Variants in ANKRD13C observed in about 807,000 individuals in gnomAD.
The protein encoded by ANKRD13C is ankyrin repeat domain 13C, also known as ankyrin repeat domain-containing protein 13C.
Under a neutral mutation model 65.5 loss-of-function variants are expected in ANKRD13C, and 16 were observed. The observed-to-expected ratio is 0.24, with a 90% CI of 0.17 to 0.37. The LOEUF is 0.37. ANKRD13C is among the 10% of genes least tolerant of loss of function. ANKRD13C has a pLI of 1.00. For synonymous variants in ANKRD13C, 235 were observed against 238.7 expected (o/e 0.98, Z 0.14); for missense variants, 503 against 655.9 (o/e 0.77, Z 2.55).
intron 9 of ANKRD13C, among the ~76,000 whole-genome samples, chr1:70,279,121 T>TC (rs1270506277): frequency 6.6e-6 from 1 of 151,678 alleles, no homozygotes; most frequent in African/African-American, 2.4e-5. Context: ...GTGGGAGGAT[T>TC]CCTTGAGCCC....
At chr1:70,332,226 C>A (rs1681848238) in intron 2 of ANKRD13C, among the ~76,000 whole-genome samples, 1 of 152,182 alleles carries the variant, frequency 6.6e-6, no homozygotes. Context: ...GAACTCTGAC[C>A]ACTATGTCCA....
At chr1:70,344,290 C>T (rs1553252381) in intron 1 of ANKRD13C, among the ~76,000 whole-genome samples, 1 of 88,400 alleles carries the variant, frequency 1.1e-5, no homozygotes, top group Admixed American at 1.3e-4. Context: ...AGCAAGATTC[C>T]ATCTCAAAAA....
At chr1:70,330,574 CAAAAAAA>C (rs71071394) in intron 2 of ANKRD13C, among the ~76,000 whole-genome samples, 7 of 68,392 alleles carry the variant, frequency 1.0e-4, no homozygotes, top group Admixed American at 1.8e-4. Context: ...ACAAACAAAC[CAAAAAAA>C]AAAAAAAAAA....
chr1:70,276,159 A>G (rs1679126477), intron 10 of ANKRD13C, among the ~76,000 whole-genome samples: 1 of 152,060 alleles, frequency 6.6e-6, no homozygotes, highest in Non-Finnish European at 1.5e-5. Flanking sequence ...TTACTTATCT[A>G]TTTATTAAAA....
chr1:70,288,748 A>C (rs1679731571), intron 9 of ANKRD13C, among the ~76,000 whole-genome samples: 1 of 152,194 alleles, frequency 6.6e-6, no homozygotes, highest in Non-Finnish European at 1.5e-5. Context: ...AGAGAGGCTA[A>C]GGGGGCAGCA....
chr1:70,353,785 T>G (rs181963238), intron 1 of ANKRD13C, among the ~76,000 whole-genome samples, 194 bp downstream of exon 1: 1 of 152,112 alleles, frequency 6.6e-6, no homozygotes, highest in Non-Finnish European at 1.5e-5. Flanking sequence ...GGAGGATACA[T>G]TCCTTTGCAC....
intron 7 of ANKRD13C, among the ~76,000 whole-genome samples, chr1:70,298,499 A>G (rs1680190569): frequency 6.6e-6 from 1 of 152,156 alleles, no homozygotes; most frequent in Non-Finnish European, 1.5e-5. Flanking sequence ...GTATGTATAC[A>G]TACATACCTT....
chr1:70,294,162 T>TA (rs1273128353), intron 8 of ANKRD13C, among the ~76,000 whole-genome samples: 1 of 152,128 alleles, frequency 6.6e-6, no homozygotes, highest in Non-Finnish European at 1.5e-5. Flanking sequence ...GTAGATACGA[T>TA]ATGACACGAC....
At chr1:70,341,092 A>C (rs1178215226) in intron 1 of ANKRD13C, among the ~76,000 whole-genome samples, 2 of 152,224 alleles carry the variant, frequency 1.3e-5, no homozygotes, top group African/African-American at 4.8e-5. Context: ...CCTGGGCGAC[A>C]GAGCGAGACT....
intron 2 of ANKRD13C, among the ~76,000 whole-genome samples, chr1:70,326,270 C>T (rs1313101648): frequency 7.1e-6 from 1 of 141,770 alleles, no homozygotes; most frequent in African/African-American, 2.6e-5. Flanking sequence ...AAAAAGACAG[C>T]CATCCATCCA....
intron 3 of ANKRD13C, among the ~76,000 whole-genome samples, chr1:70,323,471 C>T (rs1053659707): frequency 7.3e-5 from 11 of 151,694 alleles, no homozygotes; most frequent in Admixed American, 6.6e-4. Flanking sequence ...GGTGAAACCC[C>T]GTCTCTGCTA....
At chr1:70,314,224 A>T (rs904009243) in intron 4 of ANKRD13C, among the ~76,000 whole-genome samples, 10 of 146,858 alleles carry the variant, frequency 6.8e-5, no homozygotes, top group African/African-American at 1.2e-4. Flanking sequence ...TGAAAAAAAA[A>T]TTTTTTTTTT....
In ANKRD13C at chr1:70,276,843, G is replaced by A. The variant is rs899146901; in HGVS notation, c.1217C>T (p.Pro406Leu). The change falls in exon 10 of 13, where the codon CCG becomes CTG. Residue 406 changes from proline (P) to leucine (L), a missense_variant and splice_region_variant. Coordinates refer to ENST00000370944, the MANE Select transcript of ANKRD13C (RefSeq NM_030816.5). Reference protein sequence around the residue: ...GGNIMEQNFEPIRRQSLTPPP... With the variant: ...GGNIMEQNFELIRRQSLTPPP... ...AGGTGTAAGAGACTGTCTTCGAATCGGCTGCCAAAAAAAAAAAAGAAAGAA... is the reference window on the plus strand; with the variant it reads ...AGGTGTAAGAGACTGTCTTCGAATCAGCTGCCAAAAAAAAAAAAGAAAGAA... 22 of 1,584,028 alleles carry A rather than the reference G, an allele frequency of 1.4e-5. No homozygotes were observed. The highest frequency in any genetic ancestry group is 9.5e-5 in the South Asian group (8 of 84,638).
intron 2 of ANKRD13C, among the ~76,000 whole-genome samples, chr1:70,335,621 TTAA>T (rs1199402193): frequency 2.0e-5 from 3 of 151,070 alleles, no homozygotes; most frequent in Non-Finnish European, 3.0e-5. Flanking sequence ...AATGACTACT[TTAA>T]TAAATACTTA....
chr1:70,297,286 G>GGTTTTTTTTTTTTT lies in ANKRD13C; in HGVS notation c.922-1026_922-1025insAAAAAAAAAAAAAC, dbSNP rs1558281019. Among the ~76,000 whole-genome samples, 21 of 125,108 alleles carry GGTTTTTTTTTTTTT rather than the reference G, an allele frequency of 1.7e-4. 1 individual carries two copies. The highest frequency in any genetic ancestry group is 3.6e-4 in the African/African-American group (12 of 33,438). 82.1% of individuals were successfully genotyped at this position (125,108 alleles called of 152,430 possible). ...TTTAACCTACATAGAGTCCCTTTCT[G>GGTTTTTTTTTTTTT]ATTTTTTTTTTTTTTTTTTTTTTTT... On this transcript the variant is annotated intron_variant, in intron 7 of 12. Coordinates refer to ENST00000370944, the MANE Select transcript of ANKRD13C (RefSeq NM_030816.5).
chr1:70,354,205 G>A lies in ANKRD13C; in HGVS notation c.204C>T (p.Ala68=), dbSNP rs771186299. ...HHRLQLKAAP[A]SSNPPGAPAL... The stretch of plus-strand genomic sequence containing the variant: ...CCGGGGCGCCGGGGGGATTGGAGGA[G>A]GCCGGAGCTGCCTTCAGCTGTAGCC... Residue 68 remains alanine, a synonymous_variant, in exon 1 of 13, where the codon GCC becomes GCT. Transcript: ENST00000370944. The A allele has an allele frequency of 6.2e-7, 1 of 1,613,790 alleles. No homozygotes were observed. Among genetic ancestry groups the A allele is most frequent in the Non-Finnish European group, 8.5e-7 (1 of 1,180,032 alleles).
At position 70,259,348 on chromosome 1, in the gene ANKRD13C, G is replaced by T. The variant is rs928397085; in HGVS notation, c.*3369C>A. ...TGATTAACAAGCACCTTTCTTAGAAGTTCTTAAGATTTTGCTTCAATATTT... is the reference window on the plus strand; with the variant it reads ...TGATTAACAAGCACCTTTCTTAGAATTTCTTAAGATTTTGCTTCAATATTT... On this transcript the variant is annotated 3_prime_UTR_variant, in exon 13 of 13. Coordinates refer to ENST00000370944, the MANE Select transcript of ANKRD13C (RefSeq NM_030816.5). Among the ~76,000 whole-genome samples the T allele has an allele frequency of 6.6e-6, 1 of 152,140 alleles. No individual in the cohort carries two copies. The highest frequency in any genetic ancestry group is 1.5e-5 in the Non-Finnish European group (1 of 68,014).
intron 12 of ANKRD13C, among the ~76,000 whole-genome samples, chr1:70,264,743 C>T (rs1049134292): frequency 6.6e-6 from 1 of 152,054 alleles, no homozygotes; most frequent in Admixed American, 6.6e-5. Flanking sequence ...ATAGAGATTA[C>T]ACTGGTTGGG....
At chr1:70,313,890 T>G in intron 4 of ANKRD13C, 100 bp from the exon 5 acceptor site, 1 of 749,716 alleles carries the variant, frequency 1.3e-6, no homozygotes, top group Non-Finnish European at 2.3e-6. Flanking sequence ...ATACATGCAT[T>G]ACTATACTTA....
Sources: allele counts gnomAD v4.1 joint callset (sites outside exome capture counted in the v4.1 genomes callset), GRCh38; gene constraint gnomAD v4.1.1; transcripts MANE v1.5; gene names NCBI Gene and HGNC (gene_info 2026-07-23, HGNC 2026-07-21).